The following CAPZB variants were observed in gnomAD, a reference collection of about 807,000 sequenced individuals.
The protein encoded by CAPZB is capping actin protein of muscle Z-line subunit beta.
A neutral mutation model predicts 38.1 loss-of-function variants in CAPZB; 2 were observed. That is an observed-to-expected ratio of 0.05 (90% CI 0.02 to 0.17). CAPZB has a LOEUF of 0.17. CAPZB is among the 10% of genes least tolerant of loss of function. The pLI is 1.00. For synonymous variants in CAPZB, 107 were observed against 127.4 expected, an observed-to-expected ratio of 0.84 and a Z score of 1.08; for missense variants, 161 against 334.2, an observed-to-expected ratio of 0.48 and a Z score of 4.04.
chr1:19,435,283 CCAAT>C (rs1245074932), intron 1 of CAPZB, among the ~76,000 whole-genome samples: 3 of 152,186 alleles, frequency 2.0e-5, no homozygotes, highest in Admixed American at 6.5e-5. Flanking sequence ...CTTTCCATCC[CCAAT>C]CAAACGCTGA....
intron 3 of CAPZB, among the ~76,000 whole-genome samples, chr1:19,382,304 G>T (rs572449108): frequency 2.7e-4 from 41 of 152,206 alleles, no homozygotes; most frequent in African/African-American, 9.6e-4. Context: ...TAGTGGAAGG[G>T]GCACTCAGAA....
intron 4 of CAPZB, among the ~76,000 whole-genome samples, chr1:19,377,294 CTG>C (rs1207762196): frequency 6.6e-6 from 1 of 152,196 alleles, no homozygotes; most frequent in Non-Finnish European, 1.5e-5. Flanking sequence ...CCTATTTTAA[CTG>C]TGAAAATCAA....
At chr1:19,442,624 G>A (rs1323829767) in intron 1 of CAPZB, among the ~76,000 whole-genome samples, 1 of 152,108 alleles carries the variant, frequency 6.6e-6, no homozygotes, top group Non-Finnish European at 1.5e-5. Context: ...ACTCGCACTC[G>A]GTCCAGGAAA....
rs548397850 is a variant in CAPZB, at chr1:19,433,847, C to A, written c.4-14097G>T. On this transcript the variant is annotated intron_variant, in intron 1 of 8. Coordinates refer to ENST00000264202, the MANE Select transcript of CAPZB (RefSeq NM_004930.5). Reference sequence around the variant, plus strand: ...CTATCAAATCTCTATTTGTCCCTGTCGGCCTTCCCCATCCAGCTCAAGGGT... The same window carrying A: ...CTATCAAATCTCTATTTGTCCCTGTAGGCCTTCCCCATCCAGCTCAAGGGT... Among the ~76,000 whole-genome samples, 6 of 152,314 alleles carry A rather than the reference C, an allele frequency of 3.9e-5. No homozygotes were observed. In the South Asian group the frequency reaches 1.2e-3, roughly 32 times the overall value.
chr1:19,370,723 A>G (rs1349191571), intron 4 of CAPZB, among the ~76,000 whole-genome samples: 3 of 152,070 alleles, frequency 2.0e-5, no homozygotes, highest in Non-Finnish European at 4.4e-5. Context: ...GCCGCGGGCC[A>G]AGCTGGCAAG....
chr1:19,400,828 CCTCCTGG>C (rs578187194), intron 2 of CAPZB, among the ~76,000 whole-genome samples: 99 of 152,252 alleles, frequency 6.5e-4, no homozygotes, highest in African/African-American at 2.3e-3. Flanking sequence ...TTGAATTATG[CCTCCTGG>C]CTCTAGGTGA....
intron 4 of CAPZB, chr1:19,374,373 T>C (rs1558197013): frequency 1.3e-5 from 2 of 152,214 alleles, no homozygotes; most frequent in African/African-American, 4.8e-5. Context: ...AGTCATTCGA[T>C]GGGGTTGGTG....
chr1:19,364,843 T>A (rs979639582), intron 4 of CAPZB, among the ~76,000 whole-genome samples: 1 of 148,222 alleles, frequency 6.7e-6, no homozygotes, highest in Admixed American at 6.7e-5. Context: ...TATTTTTTCT[T>A]TTTTTTTTTC....
chr1:19,439,839 CCT>C (rs201651559), intron 1 of CAPZB, among the ~76,000 whole-genome samples: 3,950 of 152,328 alleles, frequency 0.026, 70 homozygotes, highest in African/African-American at 0.041. Flanking sequence ...TCAGAAACCA[CCT>C]CTTATTCCCG....
intron 2 of CAPZB, among the ~76,000 whole-genome samples, chr1:19,388,999 A>G (rs1440082558): frequency 6.6e-6 from 1 of 152,224 alleles, no homozygotes; most frequent in Non-Finnish European, 1.5e-5. Flanking sequence ...TGCCTTTTGG[A>G]TCAACTCTTA....
chr1:19,393,189 T>G (rs1204265338), intron 2 of CAPZB, among the ~76,000 whole-genome samples: 1 of 152,202 alleles, frequency 6.6e-6, no homozygotes, highest in Non-Finnish European at 1.5e-5. Flanking sequence ...GCCTAATGGC[T>G]CTCTGAGCAT....
intron 1 of CAPZB, among the ~76,000 whole-genome samples, chr1:19,421,121 A>C (rs2094399612): frequency 6.6e-6 from 1 of 152,240 alleles, no homozygotes; most frequent in African/African-American, 2.4e-5. Flanking sequence ...TGCTCTGCTC[A>C]GACCAATTTC....
At chr1:19,406,432 G>A (rs914942724) in intron 2 of CAPZB, among the ~76,000 whole-genome samples, 1 of 152,160 alleles carries the variant, frequency 6.6e-6, no homozygotes, top group Non-Finnish European at 1.5e-5. Context: ...CCCTTTCAAC[G>A]TGGGAAGGGG....
chr1:19,343,208 G>A (rs984938964), intron 8 of CAPZB, among the ~76,000 whole-genome samples: 3 of 152,220 alleles, frequency 2.0e-5, no homozygotes, highest in Admixed American at 2.0e-4. Flanking sequence ...AGGGACCACT[G>A]GGCTCTAACC....
At chr1:19,376,059 T>C (rs1410417004) in intron 4 of CAPZB, among the ~76,000 whole-genome samples, 1 of 152,212 alleles carries the variant, frequency 6.6e-6, no homozygotes, top group Non-Finnish European at 1.5e-5. Flanking sequence ...AGGCTGGCCC[T>C]AAATGGCGAA....
At chr1:19,375,560 G>A (rs906224752) in intron 4 of CAPZB, among the ~76,000 whole-genome samples, 1 of 152,234 alleles carries the variant, frequency 6.6e-6, no homozygotes, top group Non-Finnish European at 1.5e-5. Context: ...CGGGGTCTGG[G>A]TTATCCAGTT....
intron 1 of CAPZB, among the ~76,000 whole-genome samples, chr1:19,440,983 C>T (rs1210796906): frequency 2.0e-5 from 3 of 152,118 alleles, no homozygotes; most frequent in Admixed American, 2.0e-4. Context: ...TGGCGTGAAC[C>T]CGGGAGGCGG....
chr1:19,452,619 G>A lies in CAPZB; in HGVS notation c.3+32817C>T, dbSNP rs573954181. Among the ~76,000 whole-genome samples, 125 of 151,856 alleles carry A rather than the reference G, an allele frequency of 8.2e-4. 1 individual carries two copies. Among genetic ancestry groups the A allele is most frequent in the African/African-American group, 2.4e-3 (101 of 41,406 alleles). On this transcript the variant is annotated intron_variant, in intron 1 of 8. Transcript: ENST00000264202. ...GGCCTGATGGTGACCACTCAAGCTCGGACAAACCCCAAGTGTGATCTCACT... is the reference window on the plus strand; with the variant it reads ...GGCCTGATGGTGACCACTCAAGCTCAGACAAACCCCAAGTGTGATCTCACT...
chr1:19,448,825 G>A (rs748172915), intron 1 of CAPZB: 2 of 1,612,800 alleles, frequency 1.2e-6, no homozygotes, highest in Non-Finnish European at 1.7e-6. Context: ...GATCTAAAGT[G>A]CGTGTCACCT....
Sources: allele counts gnomAD v4.1 joint callset (sites outside exome capture counted in the v4.1 genomes callset), GRCh38; gene constraint gnomAD v4.1.1; transcripts MANE v1.5; gene names NCBI Gene and HGNC (gene_info 2026-07-23, HGNC 2026-07-21).